Variants in SGCG observed in about 807,000 individuals in gnomAD.
The protein encoded by SGCG is gamma-sarcoglycan.
Under a neutral mutation model 29.3 loss-of-function variants are expected in SGCG, and 26 were observed. The ratio of observed to expected loss-of-function variants is 0.89; its 90% confidence interval spans 0.65 to 1.23. The LOEUF is 1.23. Ranked by LOEUF, SGCG falls within the 50% of genes most tolerant of loss-of-function variation. SGCG has a pLI of 0.00. For missense variants in SGCG, 353 were observed against 356.0 expected (o/e 0.99, Z 0.07); for synonymous variants, 145 against 129.7 (o/e 1.12, Z -0.80).
rs67528585 is a variant in SGCG at position 23,320,597 on chromosome 13, C to CT, written c.579-23dup. 0.052 allele frequency: 68,419 copies of CT among 1,310,858 alleles called. 900 individuals carry two copies. Among genetic ancestry groups the CT allele is most frequent in the African/African-American group, 0.17 (10,332 of 60,928 alleles). 81.2% of individuals were successfully genotyped at this position (1,310,858 alleles called of 1,614,324 possible). On this transcript the variant is annotated intron_variant, in intron 6 of 7. Transcript: ENST00000218867. ...ATTGCTGGAGTGGCTATTTTTAATA[C>CT]TTTTTTTTTTTTTTTTTGTGCTTCT... is the stretch of plus-strand genomic sequence containing the variant.
chr13:23,308,831 T>C (rs1882450037), intron 6 of SGCG, among the ~76,000 whole-genome samples: 1 of 152,214 alleles, frequency 6.6e-6, no homozygotes, highest in Non-Finnish European at 1.5e-5. Context: ...CCCAGAGTGC[T>C]GGGATTGCAG....
intron 4 of SGCG, among the ~76,000 whole-genome samples, chr13:23,276,001 CTTAA>C (rs1049691724): frequency 1.3e-5 from 2 of 152,152 alleles, no homozygotes; most frequent in Non-Finnish European, 2.9e-5. Flanking sequence ...ATTTCCCAAA[CTTAA>C]TTAATCAGAT....
chr13:23,231,578 A>G (rs927970155), intron 2 of SGCG, among the ~76,000 whole-genome samples: 2 of 152,182 alleles, frequency 1.3e-5, no homozygotes, highest in African/African-American at 4.8e-5. Flanking sequence ...CAGAATTTGT[A>G]GTCTTGAAAT....
At chr13:23,255,940 C>G (rs1880160040) in intron 4 of SGCG, among the ~76,000 whole-genome samples, 1 of 152,164 alleles carries the variant, frequency 6.6e-6, no homozygotes, top group Non-Finnish European at 1.5e-5. Flanking sequence ...CCACAGGAGA[C>G]AGTGAACCTG....
chr13:23,277,781 C>T (rs1393663081), intron 4 of SGCG, among the ~76,000 whole-genome samples: 1 of 150,254 alleles, frequency 6.7e-6, no homozygotes, highest in Non-Finnish European at 1.5e-5. Flanking sequence ...TCACTGCAAG[C>T]TCCGCCTCCC....
At chr13:23,188,898 G>A (rs995108711) in intron 1 of SGCG, among the ~76,000 whole-genome samples, 1 of 152,160 alleles carries the variant, frequency 6.6e-6, no homozygotes, top group Non-Finnish European at 1.5e-5. Context: ...TGCCTCCCCC[G>A]GCACAGCAGC....
At chr13:23,295,037 A>G (rs941566194) in intron 5 of SGCG, among the ~76,000 whole-genome samples, 5 of 152,224 alleles carry the variant, frequency 3.3e-5, no homozygotes, top group Admixed American at 2.0e-4. Flanking sequence ...TACAAGATAC[A>G]ATTTTTATAC....
intron 6 of SGCG, among the ~76,000 whole-genome samples, chr13:23,318,708 C>T (rs1294198080): frequency 6.6e-6 from 1 of 152,136 alleles, no homozygotes. Context: ...TAAAATGTGT[C>T]TCAATCTGGG....
chr13:23,321,975 A>G (rs936007973), intron 7 of SGCG, among the ~76,000 whole-genome samples: 1 of 152,210 alleles, frequency 6.6e-6, no homozygotes, highest in African/African-American at 2.4e-5. Flanking sequence ...ATGTTCCTAA[A>G]TGGTCTAGAA....
chr13:23,181,206 A>C (rs1171046153), intron 1 of SGCG, 131 bp downstream of exon 1: 3 of 152,172 alleles, frequency 2.0e-5, no homozygotes, highest in Non-Finnish European at 4.4e-5. Flanking sequence ...ATGTTGAATA[A>C]ATTGGTGTAT....
At chr13:23,193,857 A>G (rs901915736) in intron 1 of SGCG, among the ~76,000 whole-genome samples, 3 of 152,146 alleles carry the variant, frequency 2.0e-5, no homozygotes, top group Admixed American at 6.5e-5. Context: ...TGGTCCCAGA[A>G]CAGTTCAGGC....
intron 5 of SGCG, among the ~76,000 whole-genome samples, chr13:23,291,577 AC>A (rs1473878194): frequency 6.6e-6 from 1 of 152,214 alleles, no homozygotes; most frequent in Non-Finnish European, 1.5e-5. Context: ...TATAATTTGG[AC>A]ATTTATCATT....
At chr13:23,191,165 C>T (rs79775854) in intron 1 of SGCG, among the ~76,000 whole-genome samples, 24,271 of 152,048 alleles carry the variant, frequency 0.16, 2,524 homozygotes, top group Middle Eastern at 0.31. Flanking sequence ...ATTTTAAAAG[C>T]AGAGATCAGC....
At chr13:23,167,350 C>G in the SGCG span, among the ~76,000 whole-genome samples, 1 of 152,146 alleles carries the variant, frequency 6.6e-6, no homozygotes, top group Non-Finnish European at 1.5e-5. Context: ...CTATTGTTAA[C>G]AGTGCTACAA....
intron 6 of SGCG, among the ~76,000 whole-genome samples, chr13:23,296,503 C>T (rs1038251462): frequency 1.3e-5 from 2 of 152,158 alleles, no homozygotes; most frequent in Non-Finnish European, 2.9e-5. Flanking sequence ...CATATTACTT[C>T]GTGGTCATTA....
At chr13:23,261,521 C>G (rs564986512) in intron 4 of SGCG, among the ~76,000 whole-genome samples, 23 of 151,968 alleles carry the variant, frequency 1.5e-4, no homozygotes, top group African/African-American at 5.5e-4. Context: ...TGTAAAACAA[C>G]CAAACTAACA....
intron 2 of SGCG, among the ~76,000 whole-genome samples, chr13:23,233,989 T>C (rs887476793): frequency 6.6e-6 from 1 of 152,232 alleles, no homozygotes; most frequent in East Asian, 1.9e-4. Flanking sequence ...AATTGGGAAA[T>C]GCCCACAAGT....
chr13:23,196,287 T>G (rs2137488701), intron 1 of SGCG, among the ~76,000 whole-genome samples: 1 of 152,316 alleles, frequency 6.6e-6, no homozygotes. Context: ...TAGTTTTTGT[T>G]TCTAGTTGTT....
intron 4 of SGCG, among the ~76,000 whole-genome samples, chr13:23,258,221 G>A (rs370573868): frequency 7.9e-5 from 12 of 151,826 alleles, no homozygotes; most frequent in East Asian, 1.9e-4. Flanking sequence ...CTTTTATTTC[G>A]TTGAGCAGTG....
Sources: allele counts gnomAD v4.1 joint callset (sites outside exome capture counted in the v4.1 genomes callset), GRCh38; gene constraint gnomAD v4.1.1; transcripts MANE v1.5; gene names NCBI Gene and HGNC (gene_info 2026-07-23, HGNC 2026-07-21).